The following GPC5 variants were observed in gnomAD, a reference collection of about 807,000 sequenced individuals.
GPC5 encodes glypican-5.
In GPC5, 47 loss-of-function variants were observed where a neutral mutation model predicts 53.9. The ratio of observed to expected loss-of-function variants is 0.87; its 90% confidence interval spans 0.69 to 1.11. The LOEUF is 1.11. Ranked by LOEUF, GPC5 falls within the 50% of genes most tolerant of loss-of-function variation. The probability of loss-of-function intolerance (pLI) is 0.00; values close to 1 mark genes in which losing one functional copy is unlikely to be tolerated. For synonymous variants in GPC5, 286 were observed against 263.3 expected (o/e 1.09, Z -0.84); for missense variants, 748 against 713.1 (o/e 1.05, Z -0.56).
At chr13:92,091,838 T>A (rs2041383753) in intron 6 of GPC5, among the ~76,000 whole-genome samples, 1 of 151,888 alleles carries the variant, frequency 6.6e-6, no homozygotes, top group Non-Finnish European at 1.5e-5. Flanking sequence ...TTCTACCCTG[T>A]CCAGAGAAAG....
chr13:91,399,308 G>C (rs1015495383), intron 1 of GPC5, 99 bp downstream of exon 1: 1 of 1,393,262 alleles, frequency 7.2e-7, no homozygotes, highest in South Asian at 1.4e-5. Flanking sequence ...ATGACCTTTC[G>C]GGCCCTGCAG....
At chr13:91,903,590 A>G (rs558081708) in intron 5 of GPC5, among the ~76,000 whole-genome samples, 119 of 152,270 alleles carry the variant, frequency 7.8e-4, no homozygotes, top group African/African-American at 2.7e-3. Flanking sequence ...TATTTTGAAC[A>G]TTACAAAACT....
intron 7 of GPC5, among the ~76,000 whole-genome samples, chr13:92,336,086 T>C (rs1451570765): frequency 6.6e-6 from 1 of 152,172 alleles, no homozygotes; most frequent in East Asian, 1.9e-4. Context: ...AAAATGTTCA[T>C]TGGATGTATA....
intron 6 of GPC5, among the ~76,000 whole-genome samples, chr13:91,983,196 ATTAGCCGGGCGTACTGGCGGGCGCCT>A (rs963428403): frequency 3.3e-5 from 5 of 152,132 alleles, no homozygotes; most frequent in African/African-American, 1.2e-4. Flanking sequence ...ATACAAAAAA[ATTAGCCGGGCGTACTGGCGGGCGCCT>A]GTAGTCCCAG....
intron 7 of GPC5, among the ~76,000 whole-genome samples, chr13:92,382,025 C>T (rs1361527187): frequency 2.0e-5 from 3 of 149,908 alleles, no homozygotes; most frequent in Non-Finnish European, 4.4e-5. Flanking sequence ...TGATAGAGTA[C>T]TATGCAGCCA....
intron 2 of GPC5, among the ~76,000 whole-genome samples, chr13:91,556,745 C>T (rs1041252525): frequency 1.3e-5 from 2 of 151,894 alleles, no homozygotes; most frequent in Non-Finnish European, 2.9e-5. Context: ...TGTATGTTCT[C>T]ACTCATAAGT....
At chr13:92,024,290 G>A (rs903591024) in intron 6 of GPC5, among the ~76,000 whole-genome samples, 1 of 151,964 alleles carries the variant, frequency 6.6e-6, no homozygotes, top group African/African-American at 2.4e-5. Context: ...CACTGTATTG[G>A]CACTGCTGTT....
chr13:91,439,905 A>T (rs151295021), intron 1 of GPC5, among the ~76,000 whole-genome samples: 13 of 152,330 alleles, frequency 8.5e-5, no homozygotes, highest in African/African-American at 2.2e-4. Flanking sequence ...TGTCATTGTA[A>T]TCAAGCTGCT....
chr13:91,558,133 T>C (rs2031059715), intron 2 of GPC5, among the ~76,000 whole-genome samples: 1 of 152,134 alleles, frequency 6.6e-6, no homozygotes, highest in African/African-American at 2.4e-5. Context: ...CAGTTTCTAC[T>C]GAAGCTGTAA....
At chr13:92,036,783 C>T (rs1289530342) in intron 6 of GPC5, among the ~76,000 whole-genome samples, 1 of 152,166 alleles carries the variant, frequency 6.6e-6, no homozygotes, top group Non-Finnish European at 1.5e-5. Flanking sequence ...TATGCAGTTG[C>T]TCAGAACAAG....
At chr13:91,948,645 C>G (rs2039998283) in intron 6 of GPC5, among the ~76,000 whole-genome samples, 1 of 152,032 alleles carries the variant, frequency 6.6e-6, no homozygotes, top group African/African-American at 2.4e-5. Flanking sequence ...GTGTTGAGGA[C>G]AAAACAAATG....
chr13:92,232,189 T>C (rs113660314), intron 7 of GPC5, among the ~76,000 whole-genome samples: 2,195 of 152,016 alleles, frequency 0.014, 54 homozygotes, highest in African/African-American at 0.05. Context: ...GTTTTTTCCA[T>C]CCAGTCTACT....
intron 7 of GPC5, among the ~76,000 whole-genome samples, chr13:92,220,195 T>C (rs998351725): frequency 2.6e-5 from 4 of 152,138 alleles, no homozygotes; most frequent in African/African-American, 7.2e-5. Flanking sequence ...ATTGAATAAA[T>C]AAATACTTGA....
intron 7 of GPC5, among the ~76,000 whole-genome samples, chr13:92,147,882 T>C (rs1029200016): frequency 7.1e-4 from 108 of 152,076 alleles, no homozygotes; most frequent in Admixed American, 7.0e-3. Flanking sequence ...TTTCTATTTT[T>C]ATAAAGCACT....
At chr13:91,867,428 C>T (rs2039097352) in intron 5 of GPC5, among the ~76,000 whole-genome samples, 1 of 152,234 alleles carries the variant, frequency 6.6e-6, no homozygotes, top group Non-Finnish European at 1.5e-5. Flanking sequence ...GGTGTCTGCT[C>T]AGTGTTTTCC....
chr13:92,530,140 A>G (rs1881503525), intron 7 of GPC5, among the ~76,000 whole-genome samples: 1 of 152,204 alleles, frequency 6.6e-6, no homozygotes, highest in Admixed American at 6.5e-5. Context: ...TGTCCTAAGC[A>G]TCGTATCAAA....
At chr13:92,657,343 T>C (rs72641033) in intron 7 of GPC5, among the ~76,000 whole-genome samples, 1 of 152,198 alleles carries the variant, frequency 6.6e-6, no homozygotes, top group East Asian at 1.9e-4. Flanking sequence ...AACCCTTTAA[T>C]GATCTGACCA....
At chr13:92,068,364 C>G (rs2041183425) in intron 6 of GPC5, among the ~76,000 whole-genome samples, 1 of 151,592 alleles carries the variant, frequency 6.6e-6, no homozygotes, top group African/African-American at 2.4e-5. Flanking sequence ...CTTTTATGTG[C>G]TCATATTGTA....
At chr13:91,541,988 T>C (rs1405999121) in intron 2 of GPC5, among the ~76,000 whole-genome samples, 1 of 149,476 alleles carries the variant, frequency 6.7e-6, no homozygotes, top group Non-Finnish European at 1.5e-5. Flanking sequence ...TATTGTCACA[T>C]ATTGTGATTT....
Sources: allele counts gnomAD v4.1 joint callset (sites outside exome capture counted in the v4.1 genomes callset), GRCh38; gene constraint gnomAD v4.1.1; transcripts MANE v1.5; gene names NCBI Gene and HGNC (gene_info 2026-07-23, HGNC 2026-07-21).